MDC1: variants seen among roughly 807,000 people sequenced by gnomAD.
MDC1 encodes mediator of DNA damage checkpoint protein 1.
MDC1 carries 81 observed loss-of-function variants against 142.5 expected under a neutral mutation model. The observed-to-expected ratio is 0.57, with a 90% CI of 0.47 to 0.68. The LOEUF (loss-of-function observed/expected upper bound fraction) is 0.68, where lower values mean the gene tolerates loss of function less well. MDC1 is among the 30% of genes least tolerant of loss of function. The pLI, the probability that MDC1 is intolerant of heterozygous loss-of-function variation, is 0.00. For missense variants in MDC1, 2,119 were observed against 2,547.9 expected (o/e 0.83, Z 3.62); for synonymous variants, 797 against 968.4 (o/e 0.82, Z 3.29).
At chr6:30,710,341 G>A (rs150213463) in intron 7 of MDC1, among the ~76,000 whole-genome samples, 366 of 152,186 alleles carry the variant, frequency 2.4e-3, no homozygotes, top group African/African-American at 8.5e-3. Flanking sequence ...CACCCACTTC[G>A]GCTTCCCAAA....
Position 30,715,444 on chromosome 6 carries a change from T to C in MDC1, c.-3-266A>G, listed in dbSNP as rs1775526871. 6.6e-6 allele frequency among the ~76,000 whole-genome samples: 1 copy of C among 152,146 alleles called. No homozygotes were observed. Among genetic ancestry groups the C allele is most frequent in the African/African-American group, 2.4e-5 (1 of 41,430 alleles). ...CCTCTGCCTCCCGGGTTTCAAGCAA[T>C]TCTCTCACCTCAGCCTCCCAAGTAG... On this transcript the variant is annotated intron_variant, in intron 1 of 14. Coordinates refer to ENST00000376406, the MANE Select transcript of MDC1 (RefSeq NM_014641.3). This position sits in a 1 kb window ranked among gnomAD's most constrained non-coding sequence, Gnocchi z 4.1.
rs745374778 is a variant in MDC1 at position 30,712,809 on chromosome 6, G to T, written c.1133C>A (p.Thr378Lys). 4 of 1,612,830 alleles carry T rather than the reference G, an allele frequency of 2.5e-6. No homozygotes were observed. The highest frequency in any genetic ancestry group is 2.2e-5 in the South Asian group (2 of 91,084). Residue 378 changes from threonine (T) to lysine (K), a missense_variant, in exon 5 of 15, where the codon ACA becomes AAA. Transcript: ENST00000376406. This position sits in a 1 kb window ranked among gnomAD's most constrained non-coding sequence, Gnocchi z 4.7. Reference protein sequence around the residue: ...HLQESQAGSDTDVEEGKAPQA... With the variant: ...HLQESQAGSDKDVEEGKAPQA... ...TGGGGCCTTGCCTTCTTCCACATCT[G>T]TATCACTACCAGCCTGGCTCTCCTG...
At chr6:30,717,018 C>T (rs1242669629) in intron 1 of MDC1, 1 of 601,022 alleles carries the variant, frequency 1.7e-6, no homozygotes, top group Non-Finnish European at 2.1e-6. Context: ...ATTCAAAGAG[C>T]CACCATCTTT....
rs764832730 is a variant in MDC1, at chr6:30,708,226, T to G, written c.2353A>C (p.Ile785Leu). The G allele has an allele frequency of 1.3e-5, 21 of 1,612,992 alleles. No homozygotes were observed. The highest frequency in any genetic ancestry group is 1.8e-5 in the Non-Finnish European group (21 of 1,180,040). The change falls in exon 8 of 15, where the codon ATA (isoleucine) becomes CTA (leucine). Residue 785 changes from isoleucine to leucine, a missense_variant. Physicochemically the swap from Ile to Leu is conservative, Grantham distance 5. Transcript: ENST00000376406. ...CTCTCTGGATGTTGGTCTCCTGGTA[T>G]TGCCCTAGGTGGAGACAGGCAAGGT... is the stretch of plus-strand genomic sequence containing the variant. ...YGPCLSPPRA[I>L]PGDQHPESPV...
chr6:30,703,453 G>A lies in MDC1; in HGVS notation c.5647C>T (p.Arg1883Trp), dbSNP rs1235048643. 17 of 1,613,830 alleles carry A rather than the reference G, an allele frequency of 1.1e-5. No homozygotes were observed. The highest frequency in any genetic ancestry group is 3.3e-5 in the South Asian group (3 of 91,080). ...GTTGATTCTTGGTTAAGTTTGGTCC[G>A]TCGGAGGCTGCGGCTTGGTATTCTG... ...PNRIPSRSLR[R>W]TKLNQESTAP... Residue 1883 changes from arginine (R) to tryptophan (W), a missense_variant, in exon 11 of 15, where the codon CGG (arginine) becomes TGG (tryptophan). Coordinates refer to ENST00000376406, the MANE Select transcript of MDC1 (RefSeq NM_014641.3). The surrounding 1 kb of genome is among the most constrained non-coding windows in gnomAD (Gnocchi z 4.4).
chr6:30,702,912 C>T (rs769604487), intron 12 of MDC1, 35 bp from the exon 13 acceptor site: 2 of 1,612,380 alleles, frequency 1.2e-6, no homozygotes, highest in Non-Finnish European at 1.7e-6. Context: ...AAAGCTCAGC[C>T]CAGCCCCTCA....
In MDC1 at chr6:30,705,512, G is replaced by T; in HGVS notation, c.3671C>A (p.Thr1224Asn). 3.1e-6 allele frequency: 5 copies of T among 1,607,188 alleles called. No individual in the cohort carries two copies. The highest frequency in any genetic ancestry group is 4.2e-6 in the Non-Finnish European group (5 of 1,177,112). The change falls in exon 10 of 15, where the codon ACC becomes AAC. Residue 1224 changes from threonine (T) to asparagine (N), a missense_variant. Thr to Asn is a moderately conservative substitution (Grantham distance 65). Transcript: ENST00000376406. ...TTTTCTTCCCCTAGTAGCCTGAGAGGTGGGTTCAGAGGTGACAGGTCGGTC... is the reference window on the plus strand; with the variant it reads ...TTTTCTTCCCCTAGTAGCCTGAGAGTTGGGTTCAGAGGTGACAGGTCGGTC... ...STDRPVTSEP[T>N]SQATRGRKNR... is the part of the protein sequence containing the mutation.
Position 30,715,161 on chromosome 6 carries a change from C to T in MDC1, c.15G>A (p.Gln5=). 6.2e-7 allele frequency: 1 copy of T among 1,614,172 alleles called. No homozygotes were observed. The highest frequency in any genetic ancestry group is 1.1e-5 in the South Asian group (1 of 91,088). MEDT[Q]AIDWDVEEEE... ...CTTCTTCAACATCCCAGTCAATAGC[C>T]TGGGTGTCCTCCATGATCTGGGAAG... is the stretch of plus-strand genomic sequence containing the variant. The change falls in exon 2 of 15, where the codon CAG becomes CAA. Residue 5 remains glutamine (Q), a synonymous_variant. Coordinates refer to ENST00000376406, the MANE Select transcript of MDC1 (RefSeq NM_014641.3). This position sits in a 1 kb window ranked among gnomAD's most constrained non-coding sequence, Gnocchi z 4.1.
intron 12 of MDC1, 26 bp from the exon 13 acceptor site, chr6:30,702,903 A>G: frequency 6.2e-7 from 1 of 1,612,678 alleles, no homozygotes; most frequent in Admixed American, 1.7e-5. Context: ...GTCAGCATCA[A>G]AGCTCAGCCC....
rs1406815609 is a variant in MDC1 at position 30,704,242 on chromosome 6, G to A, written c.4941C>T (p.Val1647=). Residue 1647 remains valine (V), a synonymous_variant, in exon 10 of 15, where the codon GTC becomes GTT. Coordinates refer to ENST00000376406, the MANE Select transcript of MDC1 (RefSeq NM_014641.3). ...CTGGTTCAACTGGTTTGGGAGTCTT[G>A]ACAGAGGACCTATTTGTCTTTCTCC... is the stretch of plus-strand genomic sequence containing the variant. ...ATRRKTNRSS[V]KTPKPVEPAA... The A allele has an allele frequency of 6.2e-6, 10 of 1,613,724 alleles. No homozygotes were observed. The highest frequency in any genetic ancestry group is 8.5e-6 in the Non-Finnish European group (10 of 1,179,810).
Position 30,716,278 on chromosome 6 carries a change from C to A in MDC1, c.-4+967G>T, listed in dbSNP as rs1005199609. Among the ~76,000 whole-genome samples the A allele has an allele frequency of 3.3e-5, 5 of 151,356 alleles. No individual in the cohort carries two copies. The highest frequency in any genetic ancestry group is 1.2e-4 in the African/African-American group (5 of 41,086). ...TCGCTCTGTCGTCCAGGCTGGACTGCAGTGGTGCTATCTTGGCTCACTGCA... is the reference window on the plus strand; with the variant it reads ...TCGCTCTGTCGTCCAGGCTGGACTGAAGTGGTGCTATCTTGGCTCACTGCA... On this transcript the variant is annotated intron_variant, in intron 1 of 14. Coordinates refer to ENST00000376406, the MANE Select transcript of MDC1 (RefSeq NM_014641.3). The surrounding 1 kb of genome is among the most constrained non-coding windows in gnomAD (Gnocchi z 4.4).
Position 30,712,497 on chromosome 6 carries a change from C to A in MDC1, c.1445G>T (p.Arg482Ile). 6.2e-7 allele frequency: 1 copy of A among 1,613,068 alleles called. No homozygotes were observed. The highest frequency in any genetic ancestry group is 8.5e-7 in the Non-Finnish European group (1 of 1,180,026). Residue 482 changes from arginine to isoleucine, a missense_variant, in exon 5 of 15, where the codon AGA becomes ATA. Physicochemically the swap from Arg to Ile is moderately conservative, Grantham distance 97 (BLOSUM62 -3). Transcript: ENST00000376406. This position sits in a 1 kb window ranked among gnomAD's most constrained non-coding sequence, Gnocchi z 4.7. ...AGGTTGGTCCTTTTCTGAATGTGCT[C>A]TAACAAGGGCTCTAATCTTTGTGTG... is the stretch of plus-strand genomic sequence containing the variant. ...KDHTKIRALV[R>I]AHSEKDQPPF...
Position 30,711,448 on chromosome 6 carries a change from C to T in MDC1, c.2185G>A (p.Glu729Lys). 6.2e-7 allele frequency: 1 copy of T among 1,613,120 alleles called. No individual in the cohort carries two copies. The highest frequency in any genetic ancestry group is 2.2e-5 in the East Asian group (1 of 44,890). The change falls in exon 7 of 15, where the codon GAG (glutamate) becomes AAG (lysine). Residue 729 changes from glutamate (E) to lysine (K), a missense_variant. Coordinates refer to ENST00000376406, the MANE Select transcript of MDC1 (RefSeq NM_014641.3). ...TQAFMLTPPQ[E>K]LGPSHCSFQT... The stretch of plus-strand genomic sequence containing the variant: ...AAGCTGCAATGGGAAGGGCCAAGCT[C>T]TTGGGGTGGAGTCAACATGAAGGCC...
Position 30,716,937 on chromosome 6 carries a change from C to T in MDC1, c.-4+308G>A, listed in dbSNP as rs1775739340. ...TTGACAGGTAGGGAAAGTAGGATGC[C>T]CCATGGATAAAGTGTCAACTCCGTC... On this transcript the variant is annotated intron_variant, in intron 1 of 14. Coordinates refer to ENST00000376406, the MANE Select transcript of MDC1 (RefSeq NM_014641.3). This position sits in a 1 kb window ranked among gnomAD's most constrained non-coding sequence, Gnocchi z 4.4. 1 of 984,482 alleles carries T rather than the reference C, an allele frequency of 1.0e-6. No individual in the cohort carries two copies. Among genetic ancestry groups the T allele is most frequent in the African/African-American group, 1.7e-5 (1 of 57,172 alleles). The allele number at this position is 984,482 out of a possible 1,614,324, so 61.0% of individuals were successfully genotyped here.
rs754275727 is a variant in MDC1, at chr6:30,705,930, C to T, written c.3253G>A (p.Gly1085Arg). ...GGAGCCTCTGGAGCTTCCTGACTCC[C>T]ATCTTGCCTGGTCTTACGAACGGTT... is the stretch of plus-strand genomic sequence containing the variant. Reference protein sequence around the residue: ...KPTVRKTRQDGSQEAPEAPLS... With the variant: ...KPTVRKTRQDRSQEAPEAPLS... Residue 1085 changes from glycine (G) to arginine (R), a missense_variant, in exon 10 of 15, where the codon GGG becomes AGG. Physicochemically the swap from Gly to Arg is moderately radical, Grantham distance 125. Coordinates refer to ENST00000376406, the MANE Select transcript of MDC1 (RefSeq NM_014641.3). 6.2e-7 allele frequency: 1 copy of T among 1,613,814 alleles called. No individual in the cohort carries two copies. Among genetic ancestry groups the T allele is most frequent in the East Asian group, 2.2e-5 (1 of 44,882 alleles).
rs969676861 is a variant in MDC1, at chr6:30,711,341, A to C, written c.2221+71T>G. ...AGCCGAGACTGCACCACTGTAATCC[A>C]GCCTGAGTGACAGAGGAAAAAAAAG... On this transcript the variant is annotated intron_variant, in intron 7 of 14. Coordinates refer to ENST00000376406, the MANE Select transcript of MDC1 (RefSeq NM_014641.3). 62 of 1,390,876 alleles carry C rather than the reference A, an allele frequency of 4.5e-5. 1 individual carries two copies. The highest frequency in any genetic ancestry group is 3.2e-4 in the East Asian group (14 of 43,640). The allele number at this position is 1,390,876 out of a possible 1,614,324, so 86.2% of individuals were successfully genotyped here. A position where few individuals can be genotyped will look rare whatever the true frequency, so the allele number is the denominator to read the frequency against.
rs1774436270 is a variant in MDC1 at position 30,709,183 on chromosome 6, G to A, written c.2222-826C>T. On this transcript the variant is annotated intron_variant, in intron 7 of 14. Coordinates refer to ENST00000376406, the MANE Select transcript of MDC1 (RefSeq NM_014641.3). The surrounding 1 kb of genome is among the most constrained non-coding windows in gnomAD (Gnocchi z 4.2). The stretch of plus-strand genomic sequence containing the variant: ...CCAAGTAGCTGGGACTACGGCATGT[G>A]CCAAAGTGCCCGGCTAATTTTTTGT... Among the ~76,000 whole-genome samples the A allele has an allele frequency of 2.6e-5, 4 of 152,152 alleles. No individual in the cohort carries two copies. Among genetic ancestry groups the A allele is most frequent in the Admixed American group, 1.3e-4 (2 of 15,260 alleles).
At chr6:30,701,219 G>A (rs1190908535) in intron 14 of MDC1, among the ~76,000 whole-genome samples, 1 of 151,874 alleles carries the variant, frequency 6.6e-6, no homozygotes, top group Non-Finnish European at 1.5e-5. Flanking sequence ...TGGCCAACAT[G>A]GTGAAACCCC....
In MDC1 at chr6:30,712,309, C is replaced by T. The variant is rs1278751155; in HGVS notation, c.1633G>A (p.Val545Met). Reference protein sequence around the residue: ...IIHIKKHQVSVEGTNQTDVKA... With the variant: ...IIHIKKHQVSMEGTNQTDVKA... ...ACATCTGTTTGATTTGTCCCCTCCA[C>T]AGACACCTGATGCTTCTTTATATGT... is the stretch of plus-strand genomic sequence containing the variant. Residue 545 changes from valine (V) to methionine (M), a missense_variant, in exon 5 of 15, where the codon GTG becomes ATG. Transcript: ENST00000376406. The surrounding 1 kb of genome is among the most constrained non-coding windows in gnomAD (Gnocchi z 4.7). 3 of 1,613,026 alleles carry T rather than the reference C, an allele frequency of 1.9e-6. No homozygotes were observed. Among genetic ancestry groups the T allele is most frequent in the Non-Finnish European group, 2.5e-6 (3 of 1,180,054 alleles).
Sources: allele counts gnomAD v4.1 joint callset (sites outside exome capture counted in the v4.1 genomes callset), GRCh38; gene constraint gnomAD v4.1.1; non-coding constraint Gnocchi (gnomAD v3.1); transcripts MANE v1.5; gene names NCBI Gene and HGNC (gene_info 2026-07-23, HGNC 2026-07-21).